The following METTL15 variants were observed in gnomAD, a reference collection of about 807,000 sequenced individuals.
METTL15 encodes methyltransferase 15, mitochondrial 12S rRNA N4-cytidine.
Under a neutral mutation model 38.3 loss-of-function variants are expected in METTL15, and 34 were observed. That is an observed-to-expected ratio of 0.89 (90% CI 0.68 to 1.18). The LOEUF (loss-of-function observed/expected upper bound fraction) is 1.18. Ranked by LOEUF, METTL15 falls within the 50% of genes most tolerant of loss-of-function variation. METTL15 has a pLI of 0.00. For synonymous variants in METTL15, 162 were observed against 170.9 expected (o/e 0.95, Z 0.41); for missense variants, 438 against 498.4 (o/e 0.88, Z 1.15).
downstream of METTL15, among the ~76,000 whole-genome samples, chr11:28,336,850 T>G (rs2133350780): frequency 6.6e-6 from 1 of 152,308 alleles, no homozygotes; most frequent in East Asian, 1.9e-4. Context: ...TTGTACTTAT[T>G]TTTTTAAAAA....
intron 6 of METTL15, among the ~76,000 whole-genome samples, chr11:28,486,791 A>T (rs1019843301): frequency 1.3e-5 from 2 of 152,112 alleles, no homozygotes; most frequent in Non-Finnish European, 2.9e-5. Flanking sequence ...TAACTTCTTT[A>T]TCCATTCAGC....
intron 5 of METTL15, among the ~76,000 whole-genome samples, chr11:28,423,731 G>C (rs568225794): frequency 3.5e-4 from 53 of 152,056 alleles, no homozygotes; most frequent in Non-Finnish European, 6.8e-4. Flanking sequence ...ATGGAGAGTA[G>C]TAGGGATAGT....
chr11:28,303,728 A>T (rs933099016), intron 6 of METTL15, among the ~76,000 whole-genome samples: 5 of 152,188 alleles, frequency 3.3e-5, no homozygotes, highest in Non-Finnish European at 7.3e-5. Flanking sequence ...CCAAAGTAAA[A>T]ATGAAAATTC....
intron 5 of METTL15, among the ~76,000 whole-genome samples, chr11:28,372,244 T>A (rs1192966425): frequency 6.6e-6 from 1 of 152,044 alleles, no homozygotes; most frequent in East Asian, 1.9e-4. Context: ...ATATGGTTTT[T>A]GTTCCTGGTT....
At chr11:28,304,721 TAATAA>T (rs759523013) in intron 6 of METTL15, among the ~76,000 whole-genome samples, 54 of 151,964 alleles carry the variant, frequency 3.6e-4, no homozygotes, top group African/African-American at 8.7e-4. Context: ...GTCTCAAAAA[TAATAA>T]AATAAAATAA....
At chr11:28,199,946 G>A (rs1038624424) in intron 3 of METTL15, among the ~76,000 whole-genome samples, 6 of 151,948 alleles carry the variant, frequency 3.9e-5, no homozygotes, top group African/African-American at 9.7e-5. Context: ...GTTTCACCAT[G>A]TTGGTCAGGC....
intron 4 of METTL15, among the ~76,000 whole-genome samples, chr11:28,241,395 A>G (rs942986287): frequency 1.3e-5 from 2 of 151,966 alleles, no homozygotes; most frequent in Admixed American, 1.3e-4. Context: ...TTAGCTGGGC[A>G]TGGTGGCGGG....
intron 6 of METTL15, among the ~76,000 whole-genome samples, chr11:28,480,702 C>T (rs1320786315): frequency 6.6e-6 from 1 of 152,146 alleles, no homozygotes; most frequent in Non-Finnish European, 1.5e-5. Context: ...ATCTTCATTC[C>T]TCTATTGAGA....
At chr11:28,226,109 T>C (rs753642926) in intron 4 of METTL15, among the ~76,000 whole-genome samples, 1 of 151,982 alleles carries the variant, frequency 6.6e-6, no homozygotes, top group Non-Finnish European at 1.5e-5. Flanking sequence ...TCTCTTACCA[T>C]TTCATTTCTA....
At chr11:28,441,635 C>T (rs1383617119) in intron 6 of METTL15, among the ~76,000 whole-genome samples, 8 of 152,122 alleles carry the variant, frequency 5.3e-5, no homozygotes, top group Admixed American at 1.3e-4. Flanking sequence ...ATTTCCTGAA[C>T]GACAACAATA....
At chr11:28,138,465 G>A (rs1051343452) in intron 3 of METTL15, among the ~76,000 whole-genome samples, 1 of 152,122 alleles carries the variant, frequency 6.6e-6, no homozygotes, top group Non-Finnish European at 1.5e-5. Flanking sequence ...TAACCTCACA[G>A]GTGAAACCAA....
At chr11:28,400,669 C>T (rs944038389) in intron 5 of METTL15, among the ~76,000 whole-genome samples, 1 of 151,880 alleles carries the variant, frequency 6.6e-6, no homozygotes, top group African/African-American at 2.4e-5. Context: ...TATACAGAAC[C>T]TGAGGGGTTT....
intron 5 of METTL15, among the ~76,000 whole-genome samples, chr11:28,363,134 G>A (rs539838842): frequency 6.6e-6 from 1 of 151,770 alleles, no homozygotes; most frequent in East Asian, 1.9e-4. Flanking sequence ...TTTATGTGTT[G>A]TTGGCCACTT....
intron 4 of METTL15, among the ~76,000 whole-genome samples, chr11:28,280,421 G>A (rs1856010002): frequency 6.6e-6 from 1 of 151,980 alleles, no homozygotes; most frequent in East Asian, 1.9e-4. Flanking sequence ...GCTGTTCTTA[G>A]TAATTTTATT....
intron 4 of METTL15, among the ~76,000 whole-genome samples, chr11:28,232,216 T>C (rs1853715200): frequency 6.6e-6 from 1 of 151,924 alleles, no homozygotes; most frequent in Admixed American, 6.6e-5. Context: ...TGATAAACCC[T>C]GATTAGATAT....
At chr11:28,127,838 C>A (rs1164069894) in intron 3 of METTL15, among the ~76,000 whole-genome samples, 3 of 152,006 alleles carry the variant, frequency 2.0e-5, no homozygotes, top group African/African-American at 4.8e-5. Flanking sequence ...AAAGAAATCA[C>A]CCCGACAGTT....
chr11:28,324,280 C>T (rs1849562370), intron 6 of METTL15, among the ~76,000 whole-genome samples: 2 of 152,140 alleles, frequency 1.3e-5, no homozygotes, highest in Non-Finnish European at 2.9e-5. Flanking sequence ...ACTTAAATCA[C>T]TGAAGATATT....
At chr11:28,308,891 G>GATA (rs1452624998) in intron 6 of METTL15, among the ~76,000 whole-genome samples, 64 of 141,586 alleles carry the variant, frequency 4.5e-4, no homozygotes, top group Non-Finnish European at 7.4e-4. Context: ...TAGGTAGGTA[G>GATA]GTAGATAGAT....
chr11:28,287,563 GC>G, intron 4 of METTL15: 1 of 281,564 alleles, frequency 3.6e-6, no homozygotes, highest in Admixed American at 4.2e-5. Flanking sequence ...AACCTCATTT[GC>G]CTCTCTTTCT....
Sources: gnomAD v4.1 joint callset for allele counts (sites outside exome capture counted in the v4.1 genomes callset) on GRCh38, gnomAD v4.1.1 for gene constraint, MANE v1.5 for transcripts, NCBI Gene and HGNC (gene_info 2026-07-23, HGNC 2026-07-21) for gene names.